Variants in CD200R1 observed in about 807,000 individuals in gnomAD.
The protein encoded by CD200R1 is CD200 receptor 1.
A neutral mutation model predicts 38.1 loss-of-function variants in CD200R1; 30 were observed. The observed-to-expected ratio is 0.79, with a 90% CI of 0.59 to 1.07. CD200R1 has a LOEUF of 1.07. Ranked by LOEUF, CD200R1 falls within the 50% of genes least tolerant of loss-of-function variation. The pLI is 0.00. For synonymous variants in CD200R1, 128 were observed against 152.1 expected (o/e 0.84, Z 1.16); for missense variants, 372 against 415.4 (o/e 0.90, Z 0.91).
At position 112,951,012 on chromosome 3, in the gene CD200R1, T is replaced by C. The variant is rs150710823; in HGVS notation, c.68-3088A>G. ...AAGAAACAAAAGAGAGAAAACACAA[T>C]AATAAATATAAGAGCAGAAATCAAT... On this transcript the variant is annotated intron_variant, in intron 1 of 7. Coordinates refer to ENST00000308611, the MANE Select transcript of CD200R1 (RefSeq NM_138806.4). 5.4e-3 allele frequency among the ~76,000 whole-genome samples: 814 copies of C among 151,584 alleles called. 29 individuals are homozygous for C. Among genetic ancestry groups the C allele is most frequent in the East Asian group, 0.011 (55 of 5,156 alleles).
chr3:112,930,814 A>G (rs1321105056), intron 3 of CD200R1, among the ~76,000 whole-genome samples: 1 of 152,356 alleles, frequency 6.6e-6, no homozygotes, highest in Admixed American at 6.5e-5. Context: ...TAATAAGTAC[A>G]TAACTAGATG....
At chr3:112,944,585 CT>C (rs1940802692) in intron 2 of CD200R1, among the ~76,000 whole-genome samples, 1 of 152,020 alleles carries the variant, frequency 6.6e-6, no homozygotes, top group African/African-American at 2.4e-5. Flanking sequence ...CTTTTCACCA[CT>C]GCTTTTCTAA....
At chr3:112,953,369 G>A (rs990135747) in intron 1 of CD200R1, among the ~76,000 whole-genome samples, 3 of 152,138 alleles carry the variant, frequency 2.0e-5, no homozygotes, top group Non-Finnish European at 2.9e-5. Context: ...TCTTGTTAAA[G>A]ATTTTTTGCA....
At chr3:112,964,110 G>T (rs141170403) in intron 1 of CD200R1, among the ~76,000 whole-genome samples, 145 of 152,344 alleles carry the variant, frequency 9.5e-4, no homozygotes, top group Non-Finnish European at 1.7e-3. Context: ...GATTTCAGAG[G>T]ATGTACAGTA....
chr3:112,945,291 G>A (rs1269364603), intron 2 of CD200R1, among the ~76,000 whole-genome samples: 1 of 152,190 alleles, frequency 6.6e-6, no homozygotes, highest in East Asian at 1.9e-4. Flanking sequence ...AACAAAGTTT[G>A]AGGCCTGACA....
intron 3 of CD200R1, 44 bp from the exon 4 acceptor site, chr3:112,929,551 ACTT>A: frequency 4.0e-6 from 6 of 1,508,448 alleles, no homozygotes; most frequent in Non-Finnish European, 4.5e-6. Flanking sequence ...TTGATAAAGA[ACTT>A]CATGTGTTAC....
At chr3:112,941,270 A>G (rs1940722758) in intron 2 of CD200R1, among the ~76,000 whole-genome samples, 1 of 151,698 alleles carries the variant, frequency 6.6e-6, no homozygotes, top group Admixed American at 6.6e-5. Flanking sequence ...TCACAATAAT[A>G]TATTACATAT....
chr3:112,946,848 G>C (rs1217894082), intron 2 of CD200R1, among the ~76,000 whole-genome samples: 1 of 152,092 alleles, frequency 6.6e-6, no homozygotes, highest in East Asian at 1.9e-4. Flanking sequence ...GTTAATTGCA[G>C]CTTTTTTCCT....
Position 112,925,005 on chromosome 3 carries a change from C to T in CD200R1, c.878+80G>A, listed in dbSNP as rs113423961. On this transcript the variant is annotated intron_variant, in intron 6 of 7. Transcript: ENST00000308611. ...TTTGATGTTAACATCCTAATATACC[C>T]AATACGGTCAGTTCCATATTTCTGA... 8,756 of 810,320 alleles carry T rather than the reference C, an allele frequency of 0.011. 111 individuals are homozygous for T. The highest frequency in any genetic ancestry group is 0.033 in the South Asian group (2,222 of 67,520). The allele number at this position is 810,320 out of a possible 1,614,324, so 50.2% of individuals were successfully genotyped here.
At chr3:112,933,357 C>T (rs1480739046) in intron 2 of CD200R1, among the ~76,000 whole-genome samples, 2 of 152,316 alleles carry the variant, frequency 1.3e-5, no homozygotes, top group African/African-American at 2.4e-5. Flanking sequence ...TGCACACAAG[C>T]ACCCATAACC....
At chr3:112,932,338 C>A (rs889632648) in intron 2 of CD200R1, among the ~76,000 whole-genome samples, 4 of 152,158 alleles carry the variant, frequency 2.6e-5, no homozygotes, top group Non-Finnish European at 5.9e-5. Flanking sequence ...TCTCCCCACA[C>A]TTCCAGCCAG....
rs1576122930 is a variant in CD200R1, at chr3:112,922,725, T to A, written c.*952A>T. The A allele has an allele frequency of 6.6e-6, 1 of 152,062 alleles. No individual in the cohort carries two copies. The highest frequency in any genetic ancestry group is 1.9e-4 in the East Asian group (1 of 5,178). The allele number at this position is 152,062 out of a possible 1,614,324, so 9.4% of individuals were successfully genotyped here. A position where few individuals can be genotyped will look rare whatever the true frequency, so the allele number is the denominator to read the frequency against. ...TTTTTATTAAATAGTATAATTCTTA[T>A]TATAATCTCACATCATATTTAATCT... On this transcript the variant is annotated 3_prime_UTR_variant, in exon 8 of 8. Transcript: ENST00000308611.
rs1482743159 is a variant in CD200R1, at chr3:112,923,733, C to T, written c.991G>A (p.Val331Met). 1 of 1,609,020 alleles carries T rather than the reference C, an allele frequency of 6.2e-7. No individual in the cohort carries two copies. Among genetic ancestry groups the T allele is most frequent in the Non-Finnish European group, 8.5e-7 (1 of 1,176,922 alleles). The part of the protein sequence containing the change: ...NNPLYDTTNK[V>M]KASEALQSEV... ...CTTTGTAATGCCTCAGATGCCTTCA[C>T]CTTGTTTGTAGTATCATAGAGAGGA... The change falls in exon 8 of 8, where the codon GTG becomes ATG. Residue 331 changes from valine to methionine, a missense_variant. Transcript: ENST00000308611.
chr3:112,944,979 C>T (rs895794351), intron 2 of CD200R1, among the ~76,000 whole-genome samples: 1 of 151,980 alleles, frequency 6.6e-6, no homozygotes, highest in Non-Finnish European at 1.5e-5. Context: ...TATTAGCATC[C>T]CCAAAAATGA....
At chr3:112,964,503 C>A (rs946362500) in intron 1 of CD200R1, among the ~76,000 whole-genome samples, 4 of 152,232 alleles carry the variant, frequency 2.6e-5, no homozygotes, top group African/African-American at 9.6e-5. Flanking sequence ...TAAGATTTGA[C>A]TGCCCTGCTG....
chr3:112,944,491 TA>T (rs1940799153), intron 2 of CD200R1, among the ~76,000 whole-genome samples: 2 of 152,038 alleles, frequency 1.3e-5, no homozygotes, highest in South Asian at 4.2e-4. Context: ...TTTCTCAACT[TA>T]AAAAACATCT....
intron 1 of CD200R1, among the ~76,000 whole-genome samples, chr3:112,970,794 TC>T (rs1933287597): frequency 6.6e-6 from 1 of 152,176 alleles, no homozygotes; most frequent in South Asian, 2.1e-4. Flanking sequence ...GCTACTAGCA[TC>T]CCTCTATCTA....
chr3:112,924,566 G>T, intron 6 of CD200R1, 31 bp from the exon 7 acceptor site: 1 of 1,121,166 alleles, frequency 8.9e-7, no homozygotes, highest in Non-Finnish European at 1.2e-6. Flanking sequence ...GAAGTGAATG[G>T]AGGAAACATC....
intron 1 of CD200R1, among the ~76,000 whole-genome samples, chr3:112,973,287 G>C (rs963292175): frequency 6.6e-6 from 1 of 152,148 alleles, no homozygotes; most frequent in African/African-American, 2.4e-5. Flanking sequence ...CAGATCACTT[G>C]ACTTTTTAGG....
Sources: gnomAD v4.1 joint callset for allele counts (sites outside exome capture counted in the v4.1 genomes callset) on GRCh38, gnomAD v4.1.1 for gene constraint, MANE v1.5 for transcripts, NCBI Gene and HGNC (gene_info 2026-07-23, HGNC 2026-07-21) for gene names.